The following ITGB5 variants were observed in gnomAD, a reference collection of about 807,000 sequenced individuals.
ITGB5 encodes integrin subunit beta 5.
A neutral mutation model predicts 84.8 loss-of-function variants in ITGB5; 38 were observed. The observed-to-expected ratio is 0.45, with a 90% CI of 0.35 to 0.59. The LOEUF (loss-of-function observed/expected upper bound fraction) is 0.59. Ranked by LOEUF, ITGB5 falls within the 20% of genes least tolerant of loss-of-function variation. ITGB5 has a pLI of 0.01. For missense variants in ITGB5, 905 were observed against 1,034.5 expected, an observed-to-expected ratio of 0.87 and a Z score of 1.72; for synonymous variants, 393 against 414.4, an observed-to-expected ratio of 0.95 and a Z score of 0.63.
At chr3:124,785,827 T>C (rs747433) in intron 10 of ITGB5, among the ~76,000 whole-genome samples, 3,227 of 152,278 alleles carry the variant, frequency 0.021, 130 homozygotes, top group African/African-American at 0.074. Context: ...ACGGGCTAAA[T>C]ATTTCCTAAA....
At position 124,820,732 on chromosome 3, in the gene ITGB5, G is replaced by T. The variant is rs1050719925; in HGVS notation, c.942+581C>A. Among the ~76,000 whole-genome samples the T allele has an allele frequency of 2.0e-5, 3 of 152,218 alleles. No homozygotes were observed. In the East Asian group the frequency reaches 5.8e-4, roughly 29 times the overall value. Reference sequence around the variant, plus strand: ...TTGGGTCTGGGTGATGGGCATGTAGGGTTCATTTTACTGGTCTATTATTAT... The same window carrying T: ...TTGGGTCTGGGTGATGGGCATGTAGTGTTCATTTTACTGGTCTATTATTAT... On this transcript the variant is annotated intron_variant, in intron 6 of 14. Coordinates refer to ENST00000296181, the MANE Select transcript of ITGB5 (RefSeq NM_002213.5).
chr3:124,819,467 C>T (rs1217151957), intron 7 of ITGB5, among the ~76,000 whole-genome samples: 5 of 152,070 alleles, frequency 3.3e-5, no homozygotes, highest in Non-Finnish European at 7.3e-5. Context: ...GTGTGCCTCT[C>T]TGTTTCCAAT....
chr3:124,808,773 A>G (rs1490852428), intron 9 of ITGB5, among the ~76,000 whole-genome samples: 2 of 152,224 alleles, frequency 1.3e-5, no homozygotes, highest in African/African-American at 2.4e-5. Context: ...CAAAGTCACG[A>G]TGCCAACTTA....
chr3:124,777,112 G>A (rs981152401), intron 10 of ITGB5, among the ~76,000 whole-genome samples: 1 of 152,174 alleles, frequency 6.6e-6, no homozygotes, highest in Non-Finnish European at 1.5e-5. Flanking sequence ...CTGACCTAGG[G>A]TATAAGAAGA....
At position 124,766,298 on chromosome 3, in the gene ITGB5, C is replaced by G. The variant is rs750501463; in HGVS notation, c.2065G>C (p.Asp689His). 4 of 1,614,142 alleles carry G rather than the reference C, an allele frequency of 2.5e-6. No homozygotes were observed. Among genetic ancestry groups the G allele is most frequent in the Non-Finnish European group, 3.4e-6 (4 of 1,180,018 alleles). Residue 689 changes from aspartate to histidine, a missense_variant, in exon 13 of 15, where the codon GAC (aspartate) becomes CAC (histidine). By Grantham distance (81) the Asp-to-His change is moderately conservative. This residue lies in a region of ITGB5 where 116 missense variants were observed against 177.0 expected (regional missense o/e 0.66). Coordinates refer to ENST00000296181, the MANE Select transcript of ITGB5 (RefSeq NM_002213.5). ...AVLCFYKTAK[D>H]CVMMFTYVEL... ...ACATAGGTGAACATCATGACGCAGT[C>G]CTTGGCGGTTTTGTAGAAACATAGC... is the stretch of plus-strand genomic sequence containing the variant.
chr3:124,848,521 C>T lies in ITGB5; in HGVS notation c.399G>A (p.Val133=). ...KTTFQLQVRQ[V]EDYPVDLYYL... is the part of the protein sequence containing the mutation. The stretch of plus-strand genomic sequence containing the variant: ...AGTACAGGTCCACAGGATAGTCCTC[C>T]ACCTGGCGAACCTGTAGCTGGAAGG... Residue 133 remains valine, a synonymous_variant, in exon 4 of 15, where the codon GTG becomes GTA. Transcript: ENST00000296181. 1 of 1,613,786 alleles carries T rather than the reference C, an allele frequency of 6.2e-7. No individual in the cohort carries two copies. Among genetic ancestry groups the T allele is most frequent in the Non-Finnish European group, 8.5e-7 (1 of 1,179,934 alleles).
rs760332415 is a variant in ITGB5 at position 124,761,983 on chromosome 3, GA to G, written c.*1639del. The stretch of plus-strand genomic sequence containing the variant: ...AATTACATTTATTTTTCTCAATTCA[GA>G]AAAGTCTCAACACCACAATTTATCT... On this transcript the variant is annotated 3_prime_UTR_variant, in exon 15 of 15. Coordinates refer to ENST00000296181, the MANE Select transcript of ITGB5 (RefSeq NM_002213.5). 1 of 152,076 alleles carries G rather than the reference GA, an allele frequency of 6.6e-6. No homozygotes were observed. The highest frequency in any genetic ancestry group is 1.5e-5 in the Non-Finnish European group (1 of 68,018). The allele number at this position is 152,076 out of a possible 1,614,324, so 9.4% of individuals were successfully genotyped here. A position where few individuals can be genotyped will look rare whatever the true frequency, so the allele number is the denominator to read the frequency against.
rs1440866848 is a variant in ITGB5, at chr3:124,796,383, C to G, written c.1693+5G>C. 6.3e-7 allele frequency: 1 copy of G among 1,596,998 alleles called. No individual in the cohort carries two copies. The highest frequency in any genetic ancestry group is 1.3e-5 in the African/African-American group (1 of 74,714). On this transcript the variant is annotated splice_donor_5th_base_variant and intron_variant, in intron 10 of 14. Transcript: ENST00000296181. ...AGAGCTAAAGTGCTTGCTGGGGACACTTACCTGAGCAGAGGACTCCCTTGT... is the reference window on the plus strand; with the variant it reads ...AGAGCTAAAGTGCTTGCTGGGGACAGTTACCTGAGCAGAGGACTCCCTTGT...
intron 1 of ITGB5, among the ~76,000 whole-genome samples, chr3:124,894,920 TA>T (rs894818165): frequency 1.1e-4 from 16 of 151,100 alleles, no homozygotes; most frequent in African/African-American, 3.6e-4. Flanking sequence ...CTGATGAGCT[TA>T]AAAAAAAATC....
intron 5 of ITGB5, among the ~76,000 whole-genome samples, chr3:124,822,749 T>C (rs2064726414): frequency 6.6e-6 from 1 of 152,166 alleles, no homozygotes; most frequent in Non-Finnish European, 1.5e-5. Flanking sequence ...TCTTACTGCA[T>C]GCCAGGCCCC....
chr3:124,763,638 A>G lies in ITGB5; in HGVS notation c.2385T>C (p.Asn795=), dbSNP rs746289472. 9.0e-5 allele frequency: 144 copies of G among 1,595,384 alleles called. 1 individual carries two copies. In the South Asian group the frequency reaches 9.8e-4, roughly 11 times the overall value. Residue 795 remains asparagine, a synonymous_variant, in exon 15 of 15, where the codon AAT becomes AAC. Coordinates refer to ENST00000296181, the MANE Select transcript of ITGB5 (RefSeq NM_002213.5). ...GAAGGAAACATCAGTCCACAGTGCCATTGTAGGATTTGTTGAACTTGTTGA... is the reference window on the plus strand; with the variant it reads ...GAAGGAAACATCAGTCCACAGTGCCGTTGTAGGATTTGTTGAACTTGTTGA... ...FTFNKFNKSY[N]GTVD
chr3:124,850,961 C>T (rs934076213), intron 3 of ITGB5, among the ~76,000 whole-genome samples: 4 of 152,240 alleles, frequency 2.6e-5, no homozygotes, highest in Admixed American at 6.5e-5. Flanking sequence ...GCCTGCAATC[C>T]TATTTCCTCT....
At chr3:124,871,070 T>C (rs1314245469) in intron 2 of ITGB5, among the ~76,000 whole-genome samples, 1 of 152,130 alleles carries the variant, frequency 6.6e-6, no homozygotes, top group East Asian at 1.9e-4. Flanking sequence ...TTTGTATTTT[T>C]TGTAGAGACG....
intron 1 of ITGB5, among the ~76,000 whole-genome samples, chr3:124,892,748 A>C (rs192995612): frequency 5.0e-4 from 74 of 149,106 alleles, no homozygotes; most frequent in African/African-American, 1.8e-3. Context: ...TGTCTATTTT[A>C]CCTGTAAAAA....
chr3:124,789,257 A>G, intron 10 of ITGB5, among the ~76,000 whole-genome samples: 1 of 152,274 alleles, frequency 6.6e-6, no homozygotes, highest in East Asian at 1.9e-4. Context: ...CTGTATCTGG[A>G]TAACTGTTGC....
At position 124,894,134 on chromosome 3, in the gene ITGB5, C is replaced by CTTTTTTTTTTTTTTTT. The variant is rs748784158; in HGVS notation, c.-255+7116_-255+7131dup. ...TTATAGTAAAAGTTGTGATATTTTT[C>CTTTTTTTTTTTTTTTT]TTTTTTTTTTTTTTTTTTGAGACAG... On this transcript the variant is annotated intron_variant, in intron 1 of 4. Coordinates refer to the ITGB5 transcript ENST00000608657. Among the ~76,000 whole-genome samples, 79 of 104,342 alleles carry CTTTTTTTTTTTTTTTT rather than the reference C, an allele frequency of 7.6e-4. 11 individuals carry two copies. Among genetic ancestry groups the CTTTTTTTTTTTTTTTT allele is most frequent in the East Asian group, 1.3e-3 (4 of 3,092 alleles). The allele number at this position is 104,342 out of a possible 152,430, so 68.5% of individuals were successfully genotyped here. A position where few individuals can be genotyped will look rare whatever the true frequency, so the allele number is the denominator to read the frequency against.
chr3:124,866,230 G>A (rs1846612), intron 2 of ITGB5, among the ~76,000 whole-genome samples: 23,867 of 151,882 alleles, frequency 0.16, 1,965 homozygotes, highest in South Asian at 0.22. Context: ...TGATCCACCC[G>A]CTTCAGCCTC....
chr3:124,773,747 G>C lies in ITGB5; in HGVS notation c.1859C>G (p.Ala620Gly). Residue 620 changes from alanine (A) to glycine (G), a missense_variant, in exon 11 of 15, where the codon GCC becomes GGC. Coordinates refer to ENST00000296181, the MANE Select transcript of ITGB5 (RefSeq NM_002213.5). Reference protein sequence around the residue: ...CGQCQCTEPGAFGEMCEKCPT... With the variant: ...CGQCQCTEPGGFGEMCEKCPT... ...GCACTTCTCACACATCTCCCCAAAG[G>C]CCCCCGGCTCCGTGCATTGGCACTG... The C allele has an allele frequency of 6.2e-7, 1 of 1,612,806 alleles. No homozygotes were observed. Among genetic ancestry groups the C allele is most frequent in the Non-Finnish European group, 8.5e-7 (1 of 1,180,026 alleles).
At chr3:124,865,474 CTTTTTTCTTT>C (rs2065372861) in intron 2 of ITGB5, among the ~76,000 whole-genome samples, 1 of 57,876 alleles carries the variant, frequency 1.7e-5, no homozygotes. Context: ...TCCTTTGCGG[CTTTTTTCTTT>C]TTTTTTTTTT....
Sources: gnomAD v4.1 joint callset for allele counts (sites outside exome capture counted in the v4.1 genomes callset) on GRCh38, gnomAD v4.1.1 for gene constraint, gnomAD v4.1.1 regional missense constraint, MANE v1.5 for transcripts, NCBI Gene and HGNC (gene_info 2026-07-23, HGNC 2026-07-21) for gene names.